ARHGAP10: variants seen among roughly 807,000 people sequenced by gnomAD.
ARHGAP10 encodes the protein Rho GTPase activating protein 10.
A neutral mutation model predicts 108.6 loss-of-function variants in ARHGAP10; 87 were observed. That is an observed-to-expected ratio of 0.80 (90% CI 0.67 to 0.96). The LOEUF (loss-of-function observed/expected upper bound fraction) is 0.96, where lower values mean the gene tolerates loss of function less well. Among genes scored for constraint, ARHGAP10 ranks in the 40% least tolerant of loss-of-function variants. The pLI, the probability that ARHGAP10 is intolerant of heterozygous loss-of-function variation, is 0.00. For missense variants in ARHGAP10, 939 were observed against 954.5 expected (o/e 0.98, Z 0.21); for synonymous variants, 347 against 341.1 (o/e 1.02, Z -0.19).
intron 1 of ARHGAP10, among the ~76,000 whole-genome samples, chr4:147,784,798 A>G (rs1730787739): frequency 4.1e-5 from 1 of 24,212 alleles, no homozygotes; most frequent in South Asian, 2.4e-3. Context: ...AATATATATT[A>G]TAAATATAAT....
At chr4:147,850,352 A>G (rs1733820423) in intron 4 of ARHGAP10, among the ~76,000 whole-genome samples, 1 of 152,184 alleles carries the variant, frequency 6.6e-6, no homozygotes, top group Non-Finnish European at 1.5e-5. Flanking sequence ...CATGCTGTGG[A>G]AGCTTTGTTC....
chr4:148,040,847 A>AG (rs1294692150), intron 19 of ARHGAP10, among the ~76,000 whole-genome samples: 20 of 151,962 alleles, frequency 1.3e-4, no homozygotes, highest in African/African-American at 4.8e-4. Flanking sequence ...TGTGAGGGAG[A>AG]GGTAGGTTTC....
At chr4:147,873,681 AACACACACACAC>A (rs67852364) in intron 7 of ARHGAP10, among the ~76,000 whole-genome samples, 6 of 98,720 alleles carry the variant, frequency 6.1e-5, no homozygotes, top group African/African-American at 1.1e-4. Flanking sequence ...CAAAAAACAA[AACACACACACAC>A]ACACACACAC....
intron 1 of ARHGAP10, among the ~76,000 whole-genome samples, chr4:147,751,598 TC>T (rs1729152943): frequency 6.6e-6 from 1 of 152,028 alleles, no homozygotes; most frequent in Non-Finnish European, 1.5e-5. Context: ...ACTCCTGGCC[TC>T]AAGTGATGTG....
At chr4:148,002,908 A>G (rs1437579823) in intron 18 of ARHGAP10, among the ~76,000 whole-genome samples, 4 of 151,838 alleles carry the variant, frequency 2.6e-5, no homozygotes, top group South Asian at 2.1e-4. Context: ...TTGTGTCTCT[A>G]TCTCCTTCAA....
chr4:147,906,138 A>G (rs1380110818), intron 10 of ARHGAP10, among the ~76,000 whole-genome samples: 4 of 152,164 alleles, frequency 2.6e-5, no homozygotes, highest in Non-Finnish European at 4.4e-5. Context: ...TGCCATTTGT[A>G]TATTCATATG....
At chr4:147,873,535 G>A (rs1411112491) in intron 7 of ARHGAP10, among the ~76,000 whole-genome samples, 1 of 151,834 alleles carries the variant, frequency 6.6e-6, no homozygotes, top group Non-Finnish European at 1.5e-5. Context: ...TTACAAAGAT[G>A]GGGATAAGGG....
At chr4:147,759,207 C>A (rs938886747) in intron 1 of ARHGAP10, among the ~76,000 whole-genome samples, 1 of 152,136 alleles carries the variant, frequency 6.6e-6, no homozygotes, top group African/African-American at 2.4e-5. Flanking sequence ...CTTCCACTTA[C>A]CAGTTTTATC....
Position 148,026,457 on chromosome 4 carries a change from G to A in ARHGAP10, c.1867+3044G>A, listed in dbSNP as rs367683793. 6.8e-4 allele frequency among the ~76,000 whole-genome samples: 104 copies of A among 152,248 alleles called. 1 individual carries two copies. In the East Asian group the frequency reaches 7.1e-3, roughly 10 times the overall value. On this transcript the variant is annotated intron_variant, in intron 19 of 22. Coordinates refer to ENST00000336498, the MANE Select transcript of ARHGAP10 (RefSeq NM_024605.4). ...GATGACCAGTTTAACTAAATAAACC[G>A]AGTGTCTTTACTTTAGTAAAGACTT...
Position 147,881,931 on chromosome 4 carries a change from C to A in ARHGAP10, c.1033C>A (p.Arg345=), listed in dbSNP as rs779961144. ...TTGTTTTGACATAGAAGCTGCTGAT[C>A]GGTAAGTTATTGGAATTATTGGACA... ...RFCFDIEAAD[R]PGVSLTMQAF... Residue 345 remains arginine, a splice_region_variant and synonymous_variant, in exon 10 of 23, where the codon CGG becomes AGG. Transcript: ENST00000336498. 15 of 1,613,358 alleles carry A rather than the reference C, an allele frequency of 9.3e-6. No homozygotes were observed. Among genetic ancestry groups the A allele is most frequent in the Non-Finnish European group, 1.1e-5 (13 of 1,179,606 alleles).
chr4:147,746,863 T>G (rs1050527406), intron 1 of ARHGAP10, among the ~76,000 whole-genome samples: 1 of 152,152 alleles, frequency 6.6e-6, no homozygotes, highest in Non-Finnish European at 1.5e-5. Context: ...TTATTTTCCC[T>G]GAGGTAGATG....
At chr4:147,831,030 A>G (rs1732936325) in intron 3 of ARHGAP10, among the ~76,000 whole-genome samples, 1 of 152,190 alleles carries the variant, frequency 6.6e-6, no homozygotes, top group South Asian at 2.1e-4. Context: ...CAAGAAATGC[A>G]CATTCTCAGG....
intron 10 of ARHGAP10, among the ~76,000 whole-genome samples, chr4:147,902,911 T>C (rs4835107): frequency 0.95 from 133,200 of 139,938 alleles, 63,316 homozygotes; most frequent in Non-Finnish European, 1. Context: ...GAGAGAGAAG[T>C]GGGAGGGGAG....
chr4:147,881,001 C>CACTG (rs1373800389), intron 9 of ARHGAP10, among the ~76,000 whole-genome samples: 1 of 152,204 alleles, frequency 6.6e-6, no homozygotes, highest in Non-Finnish European at 1.5e-5. Context: ...TGGCCAGGGA[C>CACTG]ACTGGCTCAC....
At chr4:147,759,627 T>C (rs1056198699) in intron 1 of ARHGAP10, among the ~76,000 whole-genome samples, 8 of 151,318 alleles carry the variant, frequency 5.3e-5, no homozygotes, top group African/African-American at 1.9e-4. Context: ...AATTTTAATA[T>C]TTTACTTAAT....
rs535264372 is a variant in ARHGAP10, at chr4:147,812,617, A to G, written c.155-10110A>G. Among the ~76,000 whole-genome samples, 5 of 152,228 alleles carry G rather than the reference A, an allele frequency of 3.3e-5. No homozygotes were observed. The East Asian group carries it at 9.7e-4, about 29-fold the overall frequency. On this transcript the variant is annotated intron_variant, in intron 1 of 22. Transcript: ENST00000336498. The stretch of plus-strand genomic sequence containing the variant: ...ACCTCTGCTTCTTTCTTCTCTTCTA[A>G]TATTTCAACATAGTCAAGATATTTT...
chr4:148,022,163 A>G (rs1011392468), intron 18 of ARHGAP10, among the ~76,000 whole-genome samples: 1 of 152,238 alleles, frequency 6.6e-6, no homozygotes, highest in African/African-American at 2.4e-5. Flanking sequence ...TTTTTAAATT[A>G]TACATGTGCA....
chr4:147,891,715 C>T (rs1182183145), intron 10 of ARHGAP10, among the ~76,000 whole-genome samples: 3 of 152,166 alleles, frequency 2.0e-5, no homozygotes, highest in Non-Finnish European at 4.4e-5. Context: ...ACTATCACTA[C>T]ATGACGTCAG....
At chr4:148,023,514 TTTC>T in intron 19 of ARHGAP10, 101 bp downstream of exon 19, 4 of 1,264,088 alleles carry the variant, frequency 3.2e-6, no homozygotes, top group African/African-American at 1.5e-5. Context: ...TGTGTTTTAA[TTTC>T]TTCTTCCCTT....
Sources: allele counts gnomAD v4.1 joint callset (sites outside exome capture counted in the v4.1 genomes callset), GRCh38; gene constraint gnomAD v4.1.1; transcripts MANE v1.5; gene names NCBI Gene and HGNC (gene_info 2026-07-23, HGNC 2026-07-21).